Variants in XRCC5 observed in about 807,000 individuals in gnomAD.
XRCC5 encodes the protein X-ray repair cross complementing 5, also known as DNA repair protein Ku80.
In XRCC5, 12 loss-of-function variants were observed where a neutral mutation model predicts 95.7. That is an observed-to-expected ratio of 0.13 (90% CI 0.08 to 0.20). The LOEUF is 0.20. Among genes scored for constraint, XRCC5 ranks in the 10% least tolerant of loss-of-function variants. The pLI is 1.00. For missense variants in XRCC5, 595 were observed against 873.9 expected (o/e 0.68, Z 4.02); for synonymous variants, 281 against 290.3 (o/e 0.97, Z 0.33).
At chr2:216,195,987 TA>T (rs1559264130) in intron 19 of XRCC5, among the ~76,000 whole-genome samples, 1 of 151,976 alleles carries the variant, frequency 6.6e-6, no homozygotes, top group Non-Finnish European at 1.5e-5. Context: ...ACTCAGAAAA[TA>T]ACTATACACA....
At chr2:216,131,084 C>T (rs1420461349) in intron 9 of XRCC5, 97 bp downstream of exon 9, 1 of 1,418,398 alleles carries the variant, frequency 7.1e-7, no homozygotes, top group Non-Finnish European at 9.4e-7. Flanking sequence ...ATATTTATTT[C>T]ACTTTTAATT....
At chr2:216,154,521 C>T (rs1688806922) in intron 14 of XRCC5, among the ~76,000 whole-genome samples, 1 of 152,206 alleles carries the variant, frequency 6.6e-6, no homozygotes, top group African/African-American at 2.4e-5. Flanking sequence ...ATAAGCTCTT[C>T]ACTAATTTCC....
chr2:216,156,315 TATG>T, intron 14 of XRCC5: 1 of 629,682 alleles, frequency 1.6e-6, no homozygotes, highest in Non-Finnish European at 3.1e-6. Context: ...GCAGAAGCAA[TATG>T]ATGCTGTGGA....
At chr2:216,109,813 G>A (rs1696554071) in intron 1 of XRCC5, among the ~76,000 whole-genome samples, 1 of 150,764 alleles carries the variant, frequency 6.6e-6, no homozygotes, top group Non-Finnish European at 1.5e-5. Flanking sequence ...TATTACTTCC[G>A]AGCCTGGGTT....
intron 16 of XRCC5, among the ~76,000 whole-genome samples, chr2:216,165,906 C>CTATATA (rs1184668997): frequency 6.6e-6 from 1 of 152,034 alleles, no homozygotes; most frequent in Non-Finnish European, 1.5e-5. Context: ...CATCAGCAGT[C>CTATATA]TATATATAGT....
Position 216,175,260 on chromosome 2 carries a change from A to G in XRCC5, c.1834+13212A>G, listed in dbSNP as rs1689251356. 3 of 417,780 alleles carry G rather than the reference A, an allele frequency of 7.2e-6. No homozygotes were observed. In the Admixed American group the frequency reaches 9.2e-5, roughly 13 times the overall value. 25.9% of individuals were successfully genotyped at this position (417,780 alleles called of 1,614,324 possible). On this transcript the variant is annotated intron_variant, in intron 16 of 20. Coordinates refer to ENST00000392132, the MANE Select transcript of XRCC5 (RefSeq NM_021141.4). ...TTATATCCACCATTACACCCTCCAT[A>G]ACCACCTCTGCTGCCACCACCTCTA...
At chr2:216,187,936 C>T (rs1339568549) in intron 16 of XRCC5, among the ~76,000 whole-genome samples, 1 of 150,736 alleles carries the variant, frequency 6.6e-6, no homozygotes, top group Non-Finnish European at 1.5e-5. Flanking sequence ...TCCCTTTCCA[C>T]TATCCAACCG....
chr2:216,193,107 G>T (rs1261970555), intron 18 of XRCC5, among the ~76,000 whole-genome samples: 1 of 152,092 alleles, frequency 6.6e-6, no homozygotes, highest in Non-Finnish European at 1.5e-5. Context: ...ACAGCCCTTT[G>T]GTTGACCTCA....
intron 5 of XRCC5, among the ~76,000 whole-genome samples, chr2:216,121,427 T>C (rs751041410): frequency 4.6e-5 from 7 of 152,234 alleles, no homozygotes; most frequent in Non-Finnish European, 7.3e-5. Flanking sequence ...ATTTGGTGTC[T>C]GCTGAGAGAT....
intron 16 of XRCC5, among the ~76,000 whole-genome samples, chr2:216,172,458 GCTTTT>G (rs1192182376): frequency 4.9e-5 from 5 of 102,040 alleles, no homozygotes; most frequent in Admixed American, 1.7e-4. Context: ...TTTAGCATCA[GCTTTT>G]CTTTTCTTTT....
chr2:216,191,406 T>C (rs940920939), intron 17 of XRCC5, among the ~76,000 whole-genome samples: 2 of 151,862 alleles, frequency 1.3e-5, no homozygotes, highest in African/African-American at 4.8e-5. Context: ...TATTATTTTT[T>C]CTTTTCCTTT....
At chr2:216,158,647 T>G (rs1688892429) in intron 14 of XRCC5, among the ~76,000 whole-genome samples, 1 of 152,218 alleles carries the variant, frequency 6.6e-6, no homozygotes, top group African/African-American at 2.4e-5. Context: ...GACTTACCCC[T>G]TGTAATGTTT....
At chr2:216,163,864 G>A (rs1689000846) in intron 16 of XRCC5, among the ~76,000 whole-genome samples, 1 of 152,160 alleles carries the variant, frequency 6.6e-6, no homozygotes, top group Non-Finnish European at 1.5e-5. Flanking sequence ...TCTCTTAAGT[G>A]GGGTGTATAT....
intron 3 of XRCC5, 175 bp from the exon 4 acceptor site, chr2:216,117,571 A>G: frequency 1.8e-6 from 1 of 562,784 alleles, no homozygotes; most frequent in Non-Finnish European, 3.2e-6. Flanking sequence ...AGTTTGATAT[A>G]TAGAATGTAT....
intron 16 of XRCC5, among the ~76,000 whole-genome samples, chr2:216,167,574 G>T (rs1382680285): frequency 7.6e-5 from 4 of 52,832 alleles, no homozygotes; most frequent in Admixed American, 1.4e-4. Context: ...GTGGGTTTGT[G>T]TGTGTGTGTG....
chr2:216,154,823 C>T (rs1196273785), intron 14 of XRCC5, among the ~76,000 whole-genome samples: 1 of 152,136 alleles, frequency 6.6e-6, no homozygotes, highest in Non-Finnish European at 1.5e-5. Context: ...AATGGCCTCC[C>T]ATTATCCCCA....
chr2:216,148,403 T>C (rs1033754129), intron 14 of XRCC5, 127 bp downstream of exon 14: 10 of 789,138 alleles, frequency 1.3e-5, no homozygotes, highest in Non-Finnish European at 5.9e-6. Context: ...AGCCTTTTGC[T>C]ATTTGGCCCT....
At chr2:216,187,862 C>CT (rs1198969771) in intron 16 of XRCC5, among the ~76,000 whole-genome samples, 2 of 111,482 alleles carry the variant, frequency 1.8e-5, no homozygotes, top group Non-Finnish European at 1.8e-5. Context: ...CTCTCTCTCT[C>CT]CCCGTCTCCC....
chr2:216,120,345 G>A (rs185627168), intron 5 of XRCC5, among the ~76,000 whole-genome samples: 1 of 152,176 alleles, frequency 6.6e-6, no homozygotes, highest in East Asian at 1.9e-4. Context: ...TTTTTTCCAT[G>A]AGCAATACAG....
Sources: allele counts gnomAD v4.1 joint callset (sites outside exome capture counted in the v4.1 genomes callset), GRCh38; gene constraint gnomAD v4.1.1; transcripts MANE v1.5; gene names NCBI Gene and HGNC (gene_info 2026-07-23, HGNC 2026-07-21).